The following ADAMDEC1 variants were observed in gnomAD, a reference collection of about 807,000 sequenced individuals.
ADAMDEC1 encodes ADAM DEC1.
In ADAMDEC1, 62 loss-of-function variants were observed where a neutral mutation model predicts 60.4. The observed-to-expected ratio is 1.03, with a 90% CI of 0.84 to 1.27. The LOEUF (loss-of-function observed/expected upper bound fraction) is 1.27, where lower values mean the gene tolerates loss of function less well. Ranked by LOEUF, ADAMDEC1 falls within the 50% of genes most tolerant of loss-of-function variation. ADAMDEC1 has a pLI of 0.00. For synonymous variants in ADAMDEC1, 210 were observed against 195.1 expected (o/e 1.08, Z -0.64); for missense variants, 595 against 565.0 (o/e 1.05, Z -0.54).
intron 11 of ADAMDEC1, among the ~76,000 whole-genome samples, chr8:24,401,662 A>G (rs1426776532): frequency 1.3e-5 from 2 of 152,126 alleles, no homozygotes; most frequent in African/African-American, 4.8e-5. Context: ...GCCACATGGA[A>G]ATTGAAATCC....
At chr8:24,393,561 G>A (rs930266107) in intron 3 of ADAMDEC1, among the ~76,000 whole-genome samples, 4 of 152,120 alleles carry the variant, frequency 2.6e-5, no homozygotes, top group African/African-American at 9.7e-5. Flanking sequence ...CCTTGACCTG[G>A]GAACTTAGTG....
chr8:24,395,748 T>C lies in ADAMDEC1; in HGVS notation c.392T>C (p.Leu131Pro), dbSNP rs1410567708. 9 of 1,613,602 alleles carry C rather than the reference T, an allele frequency of 5.6e-6. No individual in the cohort carries two copies. Among genetic ancestry groups the C allele is most frequent in the South Asian group, 2.2e-5 (2 of 91,026 alleles). ...CACTGTTACTATAAAGGAAACATCC[T>C]AAATGAAAAGAATTCTGTTGCCAGC... ...MEHCYYKGNI[L>P]NEKNSVASIS... The change falls in exon 5 of 14, where the codon CTA (leucine) becomes CCA (proline). Residue 131 changes from leucine (L) to proline (P), a missense_variant. Transcript: ENST00000256412.
chr8:24,399,268 GT>G (rs1291743205), intron 9 of ADAMDEC1, 124 bp from the exon 10 acceptor site: 43 of 1,118,900 alleles, frequency 3.8e-5, no homozygotes, highest in South Asian at 8.1e-5. Flanking sequence ...AATAGTAGAA[GT>G]TTTTTGGGGC....
At chr8:24,393,381 T>C (rs1411152623) in intron 3 of ADAMDEC1, 43 bp downstream of exon 3, 2 of 1,373,396 alleles carry the variant, frequency 1.5e-6, no homozygotes, top group Non-Finnish European at 2.0e-6. Context: ...GATTAGGTTA[T>C]GAAATTGGGG....
At chr8:24,384,981 A>G (rs1178058145) in intron 1 of ADAMDEC1, among the ~76,000 whole-genome samples, 1 of 152,190 alleles carries the variant, frequency 6.6e-6, no homozygotes, top group East Asian at 1.9e-4. Flanking sequence ...ATGGCTGTTT[A>G]AAAAATCTGC....
intron 5 of ADAMDEC1, 48 bp from the exon 6 acceptor site, chr8:24,397,222 G>T: frequency 6.4e-7 from 1 of 1,551,330 alleles, no homozygotes; most frequent in South Asian, 1.2e-5. Context: ...AAGCAAATAT[G>T]ACACTGTGTG....
chr8:24,399,276 G>T, intron 9 of ADAMDEC1, 117 bp from the exon 10 acceptor site: 1 of 1,147,782 alleles, frequency 8.7e-7, no homozygotes, highest in Non-Finnish European at 1.3e-6. Context: ...AAGTTTTTTG[G>T]GGCCTAGTGA....
At position 24,401,976 on chromosome 8, in the gene ADAMDEC1, T is replaced by A; in HGVS notation, c.1204T>A (p.Ser402Thr). Residue 402 changes from serine (S) to threonine (T), a missense_variant, in exon 12 of 14, where the codon TCT (serine) becomes ACT (threonine). Ser to Thr is a moderately conservative substitution (Grantham distance 58). Coordinates refer to ENST00000256412, the MANE Select transcript of ADAMDEC1 (RefSeq NM_014479.3). ...TGCACATTTTGAAAGATACCTTTTA[T>A]CTCAGAAACCAAAGTGCCTGCTGCA... ...CRAHFERYLL[S>T]QKPKCLLQAP... 6.2e-7 allele frequency: 1 copy of A among 1,613,410 alleles called. No homozygotes were observed.
At position 24,402,103 on chromosome 8, in the gene ADAMDEC1, T is replaced by G; in HGVS notation, c.1320+11T>G. 1 of 1,578,398 alleles carries G rather than the reference T, an allele frequency of 6.3e-7. No homozygotes were observed. Among genetic ancestry groups the G allele is most frequent in the Non-Finnish European group, 8.6e-7 (1 of 1,163,156 alleles). On this transcript the variant is annotated intron_variant, in intron 12 of 13. Transcript: ENST00000256412. Reference sequence around the variant, plus strand: ...TGTGGCTCTCCTAAGGTATTATTTATTAGAATTATTGGGGCAGAAGAATTA... The same window carrying G: ...TGTGGCTCTCCTAAGGTATTATTTAGTAGAATTATTGGGGCAGAAGAATTA...
chr8:24,402,949 G>A (rs1337832504), intron 12 of ADAMDEC1, among the ~76,000 whole-genome samples: 1 of 152,018 alleles, frequency 6.6e-6, no homozygotes, highest in African/African-American at 2.4e-5. Context: ...CGTTTATCTC[G>A]TTCTTACTTG....
At chr8:24,392,044 T>G (rs1413713434) in intron 1 of ADAMDEC1, among the ~76,000 whole-genome samples, 2 of 151,906 alleles carry the variant, frequency 1.3e-5, no homozygotes, top group Non-Finnish European at 2.9e-5. Flanking sequence ...ATAATCTTCA[T>G]GTCTTTTCAG....
chr8:24,394,075 C>T lies in ADAMDEC1; in HGVS notation c.291C>T (p.Leu97=), dbSNP rs1817518829. The T allele has an allele frequency of 6.2e-7, 1 of 1,612,306 alleles. No individual in the cohort carries two copies. Among genetic ancestry groups the T allele is most frequent in the African/African-American group, 1.3e-5 (1 of 74,872 alleles). ...IILSLQKTKH[L]LGPDYTETLY... is the part of the protein sequence containing the mutation. The stretch of plus-strand genomic sequence containing the variant: ...AGCTCTCTGCTCTCTACAGGCACCT[C>T]CTGGGGCCAGACTACACTGAAACAT... The change falls in exon 4 of 14, where the codon CTC becomes CTT. Residue 97 remains leucine (L), a synonymous_variant. Coordinates refer to ENST00000256412, the MANE Select transcript of ADAMDEC1 (RefSeq NM_014479.3).
chr8:24,388,945 C>T lies in ADAMDEC1; in HGVS notation c.89-3317C>T, dbSNP rs997210530. 9.9e-5 allele frequency among the ~76,000 whole-genome samples: 15 copies of T among 152,260 alleles called. No individual in the cohort carries two copies. The Middle Eastern group carries it at 0.02, about 207-fold the overall frequency. ...ACAAGACAAGACAGATGGTGGATCC[C>T]TATTCCATTACTCTCCAGATCCAGG... is the stretch of plus-strand genomic sequence containing the variant. On this transcript the variant is annotated intron_variant, in intron 1 of 13. Coordinates refer to ENST00000256412, the MANE Select transcript of ADAMDEC1 (RefSeq NM_014479.3).
At chr8:24,392,494 GC>G in intron 2 of ADAMDEC1, 114 bp downstream of exon 2, 2 of 728,076 alleles carry the variant, frequency 2.7e-6, no homozygotes, top group Non-Finnish European at 2.2e-6. Flanking sequence ...TCATATTGAA[GC>G]CCATGTATAC....
chr8:24,394,008 T>A, intron 3 of ADAMDEC1, 61 bp from the exon 4 acceptor site: 5 of 1,127,278 alleles, frequency 4.4e-6, no homozygotes, highest in Non-Finnish European at 6.7e-6. Flanking sequence ...GTGCTGAAGT[T>A]CAGGAAGTTC....
At chr8:24,389,313 C>T (rs1340923927) in intron 1 of ADAMDEC1, among the ~76,000 whole-genome samples, 1 of 152,166 alleles carries the variant, frequency 6.6e-6, no homozygotes, top group Non-Finnish European at 1.5e-5. Context: ...GCAAAAATAT[C>T]TAGTCATCCT....
At chr8:24,392,886 G>GTTTTTTTTTTTT (rs34415946) in intron 2 of ADAMDEC1, among the ~76,000 whole-genome samples, 1 of 50,386 alleles carries the variant, frequency 2.0e-5, no homozygotes, top group Non-Finnish European at 4.1e-5. Flanking sequence ...GGGTTGAGAG[G>GTTTTTTTTTTTT]TTTTTTTTTT....
At position 24,402,028 on chromosome 8, in the gene ADAMDEC1, C is replaced by T; in HGVS notation, c.1256C>T (p.Thr419Ile). The T allele has an allele frequency of 6.2e-7, 1 of 1,613,226 alleles. No homozygotes were observed. The highest frequency in any genetic ancestry group is 8.5e-7 in the Non-Finnish European group (1 of 1,179,384). The stretch of plus-strand genomic sequence containing the variant: ...GCACCTATTCCTACAAATATAATGA[C>T]AACACCAGTGTGTGGGAACCACCTT... ...LQAPIPTNIM[T>I]TPVCGNHLLE... is the part of the protein sequence containing the mutation. Residue 419 changes from threonine to isoleucine, a missense_variant, in exon 12 of 14, where the codon ACA becomes ATA. Transcript: ENST00000256412.
At chr8:24,392,685 C>T (rs985485655) in intron 2 of ADAMDEC1, among the ~76,000 whole-genome samples, 8 of 152,144 alleles carry the variant, frequency 5.3e-5, no homozygotes, top group African/African-American at 1.9e-4. Flanking sequence ...GATGTTGTTC[C>T]TGGCAAGCCT....
Sources: allele counts gnomAD v4.1 joint callset (sites outside exome capture counted in the v4.1 genomes callset), GRCh38; gene constraint gnomAD v4.1.1; transcripts MANE v1.5; gene names NCBI Gene and HGNC (gene_info 2026-07-23, HGNC 2026-07-21).